DNAJC5: variants seen among roughly 807,000 people sequenced by gnomAD.
The protein encoded by DNAJC5 is DnaJ heat shock protein family (Hsp40) member C5, also known as dnaJ homolog subfamily C member 5.
Under a neutral mutation model 23.2 loss-of-function variants are expected in DNAJC5, and 1 was observed. The ratio of observed to expected loss-of-function variants is 0.04; its 90% confidence interval spans 0.02 to 0.20. DNAJC5 has a LOEUF of 0.20. Ranked by LOEUF, DNAJC5 falls within the 10% of genes least tolerant of loss-of-function variation. DNAJC5 has a pLI of 1.00. For missense variants in DNAJC5, 180 were observed against 267.0 expected (o/e 0.67, Z 2.27); for synonymous variants, 136 against 120.0 (o/e 1.13, Z -0.87).
Position 63,934,706 on chromosome 20 carries a change from C to A in DNAJC5, c.*3138C>A, listed in dbSNP as rs1252212166. On this transcript the variant is annotated 3_prime_UTR_variant, in exon 5 of 5. Transcript: ENST00000360864. ...TAGTTCTCTATGTTGTTAGTGCAGC[C>A]AGCACCCAGTGGGGACCTACTAGAA... 1 of 152,262 alleles carries A rather than the reference C, an allele frequency of 6.6e-6. No individual in the cohort carries two copies. The highest frequency in any genetic ancestry group is 2.4e-5 in the African/African-American group (1 of 41,456). The allele number at this position is 152,262 out of a possible 1,614,324, so 9.4% of individuals were successfully genotyped here.
In DNAJC5 at chr20:63,931,301, G is replaced by A. The variant is rs1318970853; in HGVS notation, c.494-164G>A. On this transcript the variant is annotated intron_variant, in intron 4 of 4. Transcript: ENST00000360864. The surrounding 1 kb of genome is among the most constrained non-coding windows in gnomAD (Gnocchi z 9.6). ...GCGGGGCTGAGGGCCGAGGGCTGGC[G>A]GTGACCCAAGGCGACGGAGGAAAGC... 12 of 817,684 alleles carry A rather than the reference G, an allele frequency of 1.5e-5. No homozygotes were observed. The highest frequency in any genetic ancestry group is 3.0e-5 in the South Asian group (2 of 66,904). The allele number at this position is 817,684 out of a possible 1,614,324, so 50.7% of individuals were successfully genotyped here.
chr20:63,931,816 G>A lies in DNAJC5; in HGVS notation c.*248G>A, dbSNP rs2053675114. The A allele has an allele frequency of 3.6e-6, 2 of 556,242 alleles. No homozygotes were observed. The allele number at this position is 556,242 out of a possible 1,614,324, so 34.5% of individuals were successfully genotyped here. A position where few individuals can be genotyped will look rare whatever the true frequency, so the allele number is the denominator to read the frequency against. On this transcript the variant is annotated 3_prime_UTR_variant, in exon 5 of 5. Coordinates refer to ENST00000360864, the MANE Select transcript of DNAJC5 (RefSeq NM_025219.3). The surrounding 1 kb of genome is among the most constrained non-coding windows in gnomAD (Gnocchi z 9.6). Reference sequence around the variant, plus strand: ...TTTTTAATAGCATGTATGGGGTTCTGTTCCATGTCTGTGTTGTGGACATTC... The same window carrying A: ...TTTTTAATAGCATGTATGGGGTTCTATTCCATGTCTGTGTTGTGGACATTC...
At chr20:63,905,468 T>TCA (rs2146275205) in intron 1 of DNAJC5, among the ~76,000 whole-genome samples, 1 of 152,070 alleles carries the variant, frequency 6.6e-6, no homozygotes, top group Admixed American at 6.6e-5. Context: ...CCAGGCTGGT[T>TCA]TACAGTGGTG....
At chr20:63,898,097 G>A (rs1372377505) in intron 1 of DNAJC5, among the ~76,000 whole-genome samples, 1 of 152,212 alleles carries the variant, frequency 6.6e-6, no homozygotes, top group African/African-American at 2.4e-5. Context: ...GCTGGAACTT[G>A]AACTCGAGTC....
At chr20:63,925,304 T>C (rs1281807957) in intron 1 of DNAJC5, among the ~76,000 whole-genome samples, 3 of 152,090 alleles carry the variant, frequency 2.0e-5, no homozygotes, top group Admixed American at 6.6e-5. Context: ...GTCAATGTGG[T>C]GAAACCCCAT....
chr20:63,921,314 G>A (rs945447981), intron 1 of DNAJC5, among the ~76,000 whole-genome samples: 2 of 151,986 alleles, frequency 1.3e-5, no homozygotes, highest in Non-Finnish European at 2.9e-5. Flanking sequence ...GACTGAGGCC[G>A]GGCCTGGTGG....
chr20:63,897,517 G>A (rs2053382969), intron 1 of DNAJC5, among the ~76,000 whole-genome samples: 1 of 152,218 alleles, frequency 6.6e-6, no homozygotes, highest in Non-Finnish European at 1.5e-5. Context: ...AGTGAGCAAA[G>A]GTCACGCCAC....
In DNAJC5 at chr20:63,920,747, G is replaced by A. The variant is rs1418612175; in HGVS notation, c.-11-7588G>A. ...GGCTGGAGTGCAGTGGTGAGATCTC[G>A]GCTCACTGCAACCTCCCCCTCGAGG... is the stretch of plus-strand genomic sequence containing the variant. On this transcript the variant is annotated intron_variant, in intron 1 of 4. Transcript: ENST00000360864. The surrounding 1 kb of genome is among the most constrained non-coding windows in gnomAD (Gnocchi z 4.6). Among the ~76,000 whole-genome samples, 2 of 151,656 alleles carry A rather than the reference G, an allele frequency of 1.3e-5. No homozygotes were observed. Among genetic ancestry groups the A allele is most frequent in the Admixed American group, 6.6e-5 (1 of 15,222 alleles).
Position 63,928,655 on chromosome 20 carries a change from C to CA in DNAJC5, c.107+209dup, listed in dbSNP as rs920839150. ...TATGGTATTCATGTTCTCTTGCCAA[C>CA]AAAAAATAGCACTTAGTAGAAACTG... is the stretch of plus-strand genomic sequence containing the variant. On this transcript the variant is annotated intron_variant, in intron 2 of 4. Transcript: ENST00000360864. This position sits in a 1 kb window ranked among gnomAD's most constrained non-coding sequence, Gnocchi z 4.6. Among the ~76,000 whole-genome samples the CA allele has an allele frequency of 1.3e-5, 2 of 152,176 alleles. No homozygotes were observed. The highest frequency in any genetic ancestry group is 2.4e-5 in the African/African-American group (1 of 41,436).
At chr20:63,924,290 T>G (rs993241128) in intron 1 of DNAJC5, among the ~76,000 whole-genome samples, 17 of 152,210 alleles carry the variant, frequency 1.1e-4, no homozygotes, top group Non-Finnish European at 2.2e-4. Context: ...CTTCTTTATA[T>G]CGAGGCTTCT....
chr20:63,928,363 G>A lies in DNAJC5; in HGVS notation c.18G>A (p.Gln6=), dbSNP rs148585496. 6 of 1,613,844 alleles carry A rather than the reference G, an allele frequency of 3.7e-6. No homozygotes were observed. The African/African-American group carries it at 8.0e-5, about 22-fold the overall frequency. Residue 6 remains glutamine, a synonymous_variant, in exon 2 of 5, where the codon CAG becomes CAA. Transcript: ENST00000360864. This position sits in a 1 kb window ranked among gnomAD's most constrained non-coding sequence, Gnocchi z 4.6. MADQR[Q]RSLSTSGESL... ...AGCCTAACATGGCAGACCAGAGACA[G>A]CGCTCACTGTCTACCTCTGGGGAGT...
chr20:63,924,949 G>A (rs2146298818), intron 1 of DNAJC5, among the ~76,000 whole-genome samples: 1 of 152,356 alleles, frequency 6.6e-6, no homozygotes, highest in East Asian at 1.9e-4. Context: ...CCGCACTCAA[G>A]ATCAAGGATA....
rs894739680 is a variant in DNAJC5 at position 63,931,882 on chromosome 20, G to A, written c.*314G>A. The A allele has an allele frequency of 2.4e-6, 1 of 415,316 alleles. No individual in the cohort carries two copies. Among genetic ancestry groups the A allele is most frequent in the Non-Finnish European group, 4.6e-6 (1 of 218,820 alleles). The allele number at this position is 415,316 out of a possible 1,614,324, so 25.7% of individuals were successfully genotyped here. A position where few individuals can be genotyped will look rare whatever the true frequency, so the allele number is the denominator to read the frequency against. The stretch of plus-strand genomic sequence containing the variant: ...TGAACTGCACGGTGGAGCTGCCTCA[G>A]GGCTGTCGGTCAGGTTGGTCCAGTG... On this transcript the variant is annotated 3_prime_UTR_variant, in exon 5 of 5. Coordinates refer to ENST00000360864, the MANE Select transcript of DNAJC5 (RefSeq NM_025219.3). This position sits in a 1 kb window ranked among gnomAD's most constrained non-coding sequence, Gnocchi z 9.6.
intron 1 of DNAJC5, among the ~76,000 whole-genome samples, chr20:63,914,380 T>C (rs993400002): frequency 4.6e-5 from 7 of 152,008 alleles, no homozygotes; most frequent in Admixed American, 6.6e-5. Flanking sequence ...AGTGGCGCGA[T>C]CTCCGCTCAC....
chr20:63,906,082 C>T (rs1286830054), intron 1 of DNAJC5, among the ~76,000 whole-genome samples: 7 of 151,732 alleles, frequency 4.6e-5, no homozygotes, highest in African/African-American at 1.5e-4. Flanking sequence ...TAAAATTCTA[C>T]GCGACAATAA....
At chr20:63,905,219 G>T (rs564445440) in intron 1 of DNAJC5, among the ~76,000 whole-genome samples, 1 of 151,232 alleles carries the variant, frequency 6.6e-6, no homozygotes, top group East Asian at 2.0e-4. Context: ...GGGTTCAAGT[G>T]ACTCTCCTGC....
At chr20:63,914,786 C>T (rs1297007063) in intron 1 of DNAJC5, among the ~76,000 whole-genome samples, 1 of 151,358 alleles carries the variant, frequency 6.6e-6, no homozygotes, top group African/African-American at 2.4e-5. Context: ...CTGCTAATTT[C>T]TGTATTTTTA....
chr20:63,902,227 C>T (rs967453852), intron 1 of DNAJC5, among the ~76,000 whole-genome samples: 2 of 147,500 alleles, frequency 1.4e-5, no homozygotes, highest in Non-Finnish European at 3.0e-5. Flanking sequence ...GCTAATTTTT[C>T]GTATTTTTAG....
At chr20:63,905,254 T>TAC in intron 1 of DNAJC5, among the ~76,000 whole-genome samples, 1 of 151,848 alleles carries the variant, frequency 6.6e-6, no homozygotes, top group East Asian at 1.9e-4. Context: ...TAGCTGGAAC[T>TAC]GCAGGTGTGC....
Sources: gnomAD v4.1 joint callset for allele counts (sites outside exome capture counted in the v4.1 genomes callset) on GRCh38, gnomAD v4.1.1 for gene constraint, Gnocchi (gnomAD v3.1) non-coding constraint, MANE v1.5 for transcripts, NCBI Gene and HGNC (gene_info 2026-07-23, HGNC 2026-07-21) for gene names.